DNAAF19: variants seen among roughly 807,000 people sequenced by gnomAD.
DNAAF19 encodes dynein axonemal assembly factor 19, also known as coiled-coil domain containing 103.
chr17:44,902,320 C>G, the DNAAF19 span: 1 of 1,613,686 alleles, frequency 6.2e-7, no homozygotes, highest in Non-Finnish European at 8.5e-7. Context: ...TGTTGCAGAA[C>G]AGCTGGAAGA....
the DNAAF19 span, among the ~76,000 whole-genome samples, chr17:44,901,958 A>G: frequency 6.6e-6 from 1 of 152,034 alleles, no homozygotes; most frequent in African/African-American, 2.4e-5. Context: ...TCTGGGTTGT[A>G]TGGTGTCTAG....
the DNAAF19 span, chr17:44,903,918 C>T: frequency 1.3e-6 from 2 of 1,550,610 alleles, no homozygotes; most frequent in Non-Finnish European, 1.7e-6. Flanking sequence ...TTTCAGAGGA[C>T]CCCCTGCCCT....
At chr17:44,904,627 G>T in the DNAAF19 span, 1 of 1,550,540 alleles carries the variant, frequency 6.4e-7, no homozygotes, top group Non-Finnish European at 8.7e-7. Flanking sequence ...TGGGCAGCCG[G>T]CCCTGGGTGC....
the DNAAF19 span, chr17:44,902,192 C>A: frequency 1.2e-6 from 1 of 816,372 alleles, no homozygotes; most frequent in Non-Finnish European, 2.1e-6. Flanking sequence ...CTCCCTGTTT[C>A]ATCCCCAGTT....
the DNAAF19 span, chr17:44,901,141 G>C: frequency 6.2e-7 from 1 of 1,602,950 alleles, no homozygotes; most frequent in East Asian, 2.3e-5. Flanking sequence ...GAGGAGTTCA[G>C]GTTGGCTCAC....
chr17:44,903,977 G>A, the DNAAF19 span: 163 of 1,550,462 alleles, frequency 1.1e-4, no homozygotes, highest in Non-Finnish European at 1.3e-4. Context: ...CATGAGCTTT[G>A]AGCTTCCCTG....
the DNAAF19 span, chr17:44,902,941 T>G: frequency 7.0e-7 from 1 of 1,434,308 alleles, no homozygotes. Flanking sequence ...CTTGGAATTT[T>G]CAGAGCAAAA....
chr17:44,902,755 G>T, the DNAAF19 span: 2 of 1,603,196 alleles, frequency 1.2e-6, no homozygotes, highest in Non-Finnish European at 1.7e-6. Flanking sequence ...GGAGCAGTCT[G>T]GTGGGCTCCA....
the DNAAF19 span, chr17:44,904,866 G>A: frequency 3.4e-5 from 52 of 1,550,534 alleles, no homozygotes; most frequent in Non-Finnish European, 4.1e-5. Context: ...TACTATTGCT[G>A]GAGGCAGGGT....
At chr17:44,903,805 CCTCTGACCCCTGCCT>C in the DNAAF19 span, 1 of 1,539,924 alleles carries the variant, frequency 6.5e-7, no homozygotes, top group East Asian at 2.4e-5. Flanking sequence ...TTGCCCTGCC[CCTCTGACCCCTGCCT>C]CCTTCAGGTA....
the DNAAF19 span, chr17:44,902,290 C>G: frequency 6.4e-7 from 1 of 1,573,246 alleles, no homozygotes; most frequent in Admixed American, 1.7e-5. Flanking sequence ...TGAAGAGCTA[C>G]AGGCTCCCCT....
chr17:44,905,012 A>G, the DNAAF19 span: 1 of 1,550,700 alleles, frequency 6.4e-7, no homozygotes, highest in Non-Finnish European at 8.7e-7. Flanking sequence ...CTTTGTCACC[A>G]TTCACTTCTG....
chr17:44,900,936 C>T, the DNAAF19 span: 95 of 1,494,542 alleles, frequency 6.4e-5, no homozygotes, highest in Non-Finnish European at 8.2e-5. Flanking sequence ...CAGAGGTACC[C>T]TCTTTCCCCT....
chr17:44,904,523 C>A, the DNAAF19 span: 1 of 1,550,434 alleles, frequency 6.4e-7, no homozygotes, highest in African/African-American at 1.4e-5. Context: ...GGACCACACG[C>A]CTGAGGTGCT....
chr17:44,901,123 C>T, the DNAAF19 span: 1 of 1,608,976 alleles, frequency 6.2e-7, no homozygotes, highest in South Asian at 1.1e-5. Flanking sequence ...CAGAGGGTGG[C>T]TTCCTATGAG....
the DNAAF19 span, chr17:44,904,289 G>A: frequency 6.5e-7 from 1 of 1,548,956 alleles, no homozygotes; most frequent in East Asian, 2.4e-5. Context: ...CCAGGACAAG[G>A]GCCAGGAGCC....
At chr17:44,904,189 A>G in the DNAAF19 span, 13 of 1,550,552 alleles carry the variant, frequency 8.4e-6, no homozygotes, top group Non-Finnish European at 9.6e-6. Context: ...CTGAGGACTC[A>G]GGCCTGTACT....
chr17:44,901,765 CTTT>C, the DNAAF19 span: 3 of 1,221,064 alleles, frequency 2.5e-6, no homozygotes, highest in Non-Finnish European at 3.4e-6. Context: ...CATACCTCTT[CTTT>C]ATTTGTCATG....
At chr17:44,902,312 T>C in the DNAAF19 span, 1 of 1,612,166 alleles carries the variant, frequency 6.2e-7, no homozygotes, top group Non-Finnish European at 8.5e-7. Context: ...CCTGTCACTG[T>C]TGCAGAACAG....
Sources: allele counts gnomAD v4.1 joint callset (sites outside exome capture counted in the v4.1 genomes callset), GRCh38; gene constraint gnomAD v4.1.1; transcripts MANE v1.5; gene names NCBI Gene and HGNC (gene_info 2026-07-23, HGNC 2026-07-21).